ATP6V0D2: variants seen among roughly 807,000 people sequenced by gnomAD.
ATP6V0D2 encodes the protein ATPase H+ transporting V0 subunit d2, also known as V-type proton ATPase subunit d 2.
Under a neutral mutation model 40.0 loss-of-function variants are expected in ATP6V0D2, and 40 were observed. That is an observed-to-expected ratio of 1.00 (90% CI 0.78 to 1.30). ATP6V0D2 has a LOEUF of 1.30. Among genes scored for constraint, ATP6V0D2 ranks in the 50% most tolerant of loss-of-function variants. The pLI, the probability that ATP6V0D2 is intolerant of heterozygous loss-of-function variation, is 0.00. For missense variants in ATP6V0D2, 470 were observed against 423.1 expected, an observed-to-expected ratio of 1.11 and a Z score of -0.97; for synonymous variants, 179 against 156.3, an observed-to-expected ratio of 1.15 and a Z score of -1.08.
intron 2 of ATP6V0D2, among the ~76,000 whole-genome samples, chr8:86,136,328 A>G (rs999720195): frequency 3.3e-5 from 5 of 152,174 alleles, no homozygotes; most frequent in Admixed American, 3.3e-4. Context: ...CACACCATTG[A>G]CGCTGGTCGC....
chr8:86,153,111 C>T lies in ATP6V0D2; in HGVS notation c.*134C>T. 4.4e-6 allele frequency: 3 copies of T among 688,182 alleles called. No homozygotes were observed. Among genetic ancestry groups the T allele is most frequent in the Non-Finnish European group, 6.6e-6 (3 of 455,282 alleles). 42.6% of individuals were successfully genotyped at this position (688,182 alleles called of 1,614,324 possible). ...ACTATATCTTCATGAGTTGCAAATCCATGGAAACACAGTAAACCAGCCCTG... is the reference window on the plus strand; with the variant it reads ...ACTATATCTTCATGAGTTGCAAATCTATGGAAACACAGTAAACCAGCCCTG... On this transcript the variant is annotated 3_prime_UTR_variant, in exon 8 of 8. Transcript: ENST00000285393.
At chr8:86,122,756 T>C (rs1818686331) in intron 2 of ATP6V0D2, among the ~76,000 whole-genome samples, 3 of 152,206 alleles carry the variant, frequency 2.0e-5, no homozygotes, top group Admixed American at 6.5e-5. Flanking sequence ...GTAGAGAAAG[T>C]AGAATTTTGG....
chr8:86,141,003 C>A (rs1425752859), intron 3 of ATP6V0D2, among the ~76,000 whole-genome samples: 1 of 152,166 alleles, frequency 6.6e-6, no homozygotes, highest in Non-Finnish European at 1.5e-5. Context: ...TCATAAGTAG[C>A]ACACAACCTA....
At chr8:86,128,793 G>A (rs1488681353) in intron 2 of ATP6V0D2, among the ~76,000 whole-genome samples, 10 of 152,256 alleles carry the variant, frequency 6.6e-5, no homozygotes, top group East Asian at 1.9e-4. Context: ...TGAGTAATAC[G>A]ATTTATGGTC....
At chr8:86,124,994 G>C (rs1252067522) in intron 2 of ATP6V0D2, among the ~76,000 whole-genome samples, 3 of 152,172 alleles carry the variant, frequency 2.0e-5, no homozygotes, top group Non-Finnish European at 2.9e-5. Flanking sequence ...TGGCATGAAG[G>C]AGGTGATGCC....
chr8:86,112,128 G>A (rs1253585272), intron 1 of ATP6V0D2, among the ~76,000 whole-genome samples: 1 of 152,174 alleles, frequency 6.6e-6, no homozygotes, highest in Non-Finnish European at 1.5e-5. Context: ...GTTGGGTTCT[G>A]CATAAGGAGT....
chr8:86,107,953 T>C (rs544509543), intron 1 of ATP6V0D2, among the ~76,000 whole-genome samples: 139 of 152,150 alleles, frequency 9.1e-4, no homozygotes, highest in Non-Finnish European at 1.8e-3. Context: ...TTATTAAAAG[T>C]CTGAGTAATT....
intron 5 of ATP6V0D2, among the ~76,000 whole-genome samples, chr8:86,149,067 A>AAAAAAAAAAAAAAAAAAG (rs1819108850): frequency 6.7e-6 from 1 of 148,808 alleles, no homozygotes; most frequent in Non-Finnish European, 1.5e-5. Context: ...AAAAAAAAAA[A>AAAAAAAAAAAAAAAAAAG]AAAAAAAACC....
At chr8:86,112,370 A>G (rs1818537370) in intron 1 of ATP6V0D2, among the ~76,000 whole-genome samples, 1 of 152,220 alleles carries the variant, frequency 6.6e-6, no homozygotes, top group Non-Finnish European at 1.5e-5. Context: ...CTTTGAAGTC[A>G]GGAATACCTG....
At chr8:86,105,717 C>T (rs1366886352) in intron 1 of ATP6V0D2, among the ~76,000 whole-genome samples, 18 of 148,090 alleles carry the variant, frequency 1.2e-4, no homozygotes, top group Admixed American at 1.2e-3. Context: ...CAGGTTCATG[C>T]CATTCTCCTG....
intron 5 of ATP6V0D2, 122 bp downstream of exon 5, chr8:86,143,076 G>A (rs2130276471): frequency 1.7e-6 from 1 of 603,826 alleles, no homozygotes; most frequent in Non-Finnish European, 2.8e-6. Context: ...AAGACAAGCA[G>A]TACATTTTAT....
chr8:86,108,029 A>C (rs919682923), intron 1 of ATP6V0D2, among the ~76,000 whole-genome samples: 9 of 152,220 alleles, frequency 5.9e-5, no homozygotes, highest in African/African-American at 2.2e-4. Flanking sequence ...ATAAAAGCTG[A>C]ATTCCTTAGC....
intron 2 of ATP6V0D2, among the ~76,000 whole-genome samples, chr8:86,122,783 G>T (rs756094265): frequency 2.0e-5 from 3 of 152,178 alleles, no homozygotes; most frequent in Admixed American, 6.5e-5. Context: ...TTTAAAATTG[G>T]CATAGATTGA....
In ATP6V0D2 at chr8:86,123,204, T is replaced by C. The variant is rs540239389; in HGVS notation, c.302+9324T>C. 4.0e-4 allele frequency among the ~76,000 whole-genome samples: 61 copies of C among 152,318 alleles called. No individual in the cohort carries two copies. In the South Asian group the frequency reaches 0.013, roughly 32 times the overall value. On this transcript the variant is annotated intron_variant, in intron 2 of 7. Transcript: ENST00000285393. ...GTTCTTAGGATTATTGTGCATGTAG[T>C]ACTTATTCAATAACTGGTGATTGCT... is the stretch of plus-strand genomic sequence containing the variant.
At chr8:86,128,092 T>A (rs1818770592) in intron 2 of ATP6V0D2, among the ~76,000 whole-genome samples, 1 of 151,906 alleles carries the variant, frequency 6.6e-6, no homozygotes, top group Admixed American at 6.6e-5. Flanking sequence ...AAAATAAAGC[T>A]GGGCAGTGGC....
At position 86,099,286 on chromosome 8, in the gene ATP6V0D2, A is replaced by C. The variant is rs7836003; in HGVS notation, c.130+178A>C. ...AAACTTGAATGAGGAAAAAAAAATA[A>C]ATCTCTATTTTTAATCTCTAAGTGA... is the stretch of plus-strand genomic sequence containing the variant. On this transcript the variant is annotated intron_variant, in intron 1 of 7. Transcript: ENST00000285393. Among the ~76,000 whole-genome samples the C allele has an allele frequency of 0.41, 62,216 of 151,926 alleles. 13,608 individuals carry two copies. The highest frequency in any genetic ancestry group is 0.51 in the East Asian group (2,618 of 5,152).
At chr8:86,143,413 A>G (rs1233635515) in intron 5 of ATP6V0D2, among the ~76,000 whole-genome samples, 1 of 152,248 alleles carries the variant, frequency 6.6e-6, no homozygotes, top group Non-Finnish European at 1.5e-5. Flanking sequence ...TGGCTACTCC[A>G]TAGGCAGAGC....
intron 1 of ATP6V0D2, among the ~76,000 whole-genome samples, chr8:86,112,978 T>C (rs1030538596): frequency 6.6e-6 from 1 of 152,154 alleles, no homozygotes; most frequent in Non-Finnish European, 1.5e-5. Context: ...TGGCTGCCCG[T>C]GCCACCTGCC....
intron 5 of ATP6V0D2, among the ~76,000 whole-genome samples, chr8:86,148,941 C>T (rs957637696): frequency 1.3e-5 from 2 of 149,590 alleles, no homozygotes; most frequent in African/African-American, 2.5e-5. Context: ...TGTCACATGC[C>T]TGTAGTCCCT....
Sources: gnomAD v4.1 joint callset for allele counts (sites outside exome capture counted in the v4.1 genomes callset) on GRCh38, gnomAD v4.1.1 for gene constraint, MANE v1.5 for transcripts, NCBI Gene and HGNC (gene_info 2026-07-23, HGNC 2026-07-21) for gene names.